The following CACNA1C variants were observed in gnomAD, a reference collection of about 807,000 sequenced individuals.
CACNA1C encodes calcium voltage-gated channel subunit alpha1 C, also known as voltage-dependent L-type calcium channel subunit alpha-1C.
A neutral mutation model predicts 229.0 loss-of-function variants in CACNA1C; 30 were observed. The observed-to-expected ratio is 0.13, with a 90% CI of 0.10 to 0.18. The LOEUF is 0.18. Among genes scored for constraint, CACNA1C ranks in the 10% least tolerant of loss-of-function variants. CACNA1C has a pLI of 1.00. For missense variants in CACNA1C, 1,658 were observed against 2,845.0 expected, an observed-to-expected ratio of 0.58 and a Z score of 9.49; for synonymous variants, 1,114 against 1,132.5, an observed-to-expected ratio of 0.98 and a Z score of 0.33.
intron 3 of CACNA1C, among the ~76,000 whole-genome samples, chr12:2,394,936 G>C (rs1341958848): frequency 6.6e-6 from 1 of 152,174 alleles, no homozygotes; most frequent in Non-Finnish European, 1.5e-5. Context: ...ATTCTTCACT[G>C]TCAACTTGTC....
intron 3 of CACNA1C, among the ~76,000 whole-genome samples, chr12:2,433,787 A>G (rs2099109249): frequency 6.6e-6 from 1 of 152,114 alleles, no homozygotes; most frequent in South Asian, 2.1e-4. Context: ...CCAGAGCCAC[A>G]TGGACCAAGC....
chr12:2,303,899 G>A (rs138855206), intron 3 of CACNA1C, among the ~76,000 whole-genome samples: 212 of 152,352 alleles, frequency 1.4e-3, no homozygotes, highest in Non-Finnish European at 2.6e-3. Flanking sequence ...TTCTGGGGTA[G>A]AGACAGGTCT....
At chr12:2,513,284 G>T (rs1270197072) in intron 9 of CACNA1C, among the ~76,000 whole-genome samples, 1 of 152,214 alleles carries the variant, frequency 6.6e-6, no homozygotes, top group East Asian at 1.9e-4. Flanking sequence ...TCTCCTCCAG[G>T]TTCCACCTCT....
intron 10 of CACNA1C, among the ~76,000 whole-genome samples, chr12:2,555,459 C>G (rs2043632755): frequency 1.3e-5 from 2 of 152,244 alleles, no homozygotes; most frequent in South Asian, 4.1e-4. Context: ...GACAACCACC[C>G]AAAAGCAGCC....
At chr12:2,374,119 G>C (rs145077550) in intron 3 of CACNA1C, among the ~76,000 whole-genome samples, 1,633 of 152,312 alleles carry the variant, frequency 0.011, 23 homozygotes, top group African/African-American at 0.037. Flanking sequence ...ACAACTAGTA[G>C]ACAGTAGACT....
chr12:2,577,713 G>A (rs2058945587), intron 13 of CACNA1C, among the ~76,000 whole-genome samples: 1 of 152,184 alleles, frequency 6.6e-6, no homozygotes, highest in Non-Finnish European at 1.5e-5. Context: ...GAATAGTAAG[G>A]TTCATTCATT....
intron 3 of CACNA1C, among the ~76,000 whole-genome samples, chr12:2,232,333 C>T (rs2065663178): frequency 7.2e-6 from 1 of 139,844 alleles, no homozygotes; most frequent in African/African-American, 2.7e-5. Flanking sequence ...GTCTCTTAAT[C>T]TGGGTTTGTC....
intron 1 of CACNA1C, among the ~76,000 whole-genome samples, chr12:2,063,373 A>G (rs2058236114): frequency 6.6e-6 from 1 of 152,132 alleles, no homozygotes; most frequent in African/African-American, 2.4e-5. Context: ...GATGGTCTCC[A>G]TCTCCTGACC....
chr12:2,386,271 C>T (rs1196251241), intron 3 of CACNA1C, among the ~76,000 whole-genome samples: 1 of 152,248 alleles, frequency 6.6e-6, no homozygotes, highest in African/African-American at 2.4e-5. Flanking sequence ...TCACTGGCTG[C>T]GGCTCAGGTA....
At position 1,971,127 on chromosome 12, in the gene CACNA1C, C is replaced by T; in HGVS notation, c.65C>T (p.Ala22Val). The change falls in exon 1 of 47, where the codon GCC (alanine) becomes GTC (valine). Residue 22 changes from alanine to valine, a missense_variant. By Grantham distance (64) the Ala-to-Val change is moderately conservative (BLOSUM62 0). Transcript: ENST00000682462. This position sits in a 1 kb window ranked among gnomAD's most constrained non-coding sequence, Gnocchi z 4.2. ...CAGCCGCTTCCCAGCCACCTGTCTG[C>T]CAACACGGAGGTCAAGTTTAAGGGT... 1 of 1,289,160 alleles carries T rather than the reference C, an allele frequency of 7.8e-7. No individual in the cohort carries two copies. The highest frequency in any genetic ancestry group is 1.0e-6 in the Non-Finnish European group (1 of 988,270). The allele number at this position is 1,289,160 out of a possible 1,614,324, so 79.9% of individuals were successfully genotyped here. A position where few individuals can be genotyped will look rare whatever the true frequency, so the allele number is the denominator to read the frequency against.
chr12:2,416,451 T>G (rs2098904130), intron 3 of CACNA1C, among the ~76,000 whole-genome samples: 1 of 151,960 alleles, frequency 6.6e-6, no homozygotes, highest in Non-Finnish European at 1.5e-5. Flanking sequence ...GGGGGACGAT[T>G]GTAATATTTA....
chr12:2,011,247 C>T (rs990061327), intron 1 of CACNA1C: 2 of 151,364 alleles, frequency 1.3e-5, no homozygotes, highest in Non-Finnish European at 2.9e-5. Flanking sequence ...ATGGAAAGGA[C>T]AATGGAAGTT....
chr12:2,373,959 G>A (rs1480171395), intron 3 of CACNA1C, among the ~76,000 whole-genome samples: 4 of 152,188 alleles, frequency 2.6e-5, no homozygotes. Flanking sequence ...TCTAGAGCCA[G>A]CGGGGGCCTT....
intron 3 of CACNA1C, among the ~76,000 whole-genome samples, chr12:2,203,750 A>G (rs993102956): frequency 6.6e-6 from 1 of 152,166 alleles, no homozygotes; most frequent in Non-Finnish European, 1.5e-5. Context: ...GCCCTCTGGC[A>G]TCTCCTCTGC....
At position 2,309,785 on chromosome 12, in the gene CACNA1C, T is replaced by C. The variant is rs183565947; in HGVS notation, c.478-139191T>C. On this transcript the variant is annotated intron_variant, in intron 3 of 46. Transcript: ENST00000399655. Reference sequence around the variant, plus strand: ...ATGCCTGCAGCAATCTGCACAGATATGGCCCCTGCCTTCTGGCGACTTACA... The same window carrying C: ...ATGCCTGCAGCAATCTGCACAGATACGGCCCCTGCCTTCTGGCGACTTACA... Among the ~76,000 whole-genome samples, 159 of 152,336 alleles carry C rather than the reference T, an allele frequency of 1.0e-3. 1 individual carries two copies. Among genetic ancestry groups the C allele is most frequent in the African/African-American group, 3.8e-3 (157 of 41,588 alleles).
At position 2,678,467 on chromosome 12, in the gene CACNA1C, G is replaced by C. The variant is rs192260904; in HGVS notation, c.5091+600G>C. Reference sequence around the variant, plus strand: ...AATTAAAACGGCTGTACCAGAATAAGGGGCGTTTATCACTCATTTGTGTTG... The same window carrying C: ...AATTAAAACGGCTGTACCAGAATAACGGGCGTTTATCACTCATTTGTGTTG... On this transcript the variant is annotated intron_variant, in intron 41 of 46. Transcript: ENST00000399655. The surrounding 1 kb of genome is among the most constrained non-coding windows in gnomAD (Gnocchi z 4.1). 3.3e-3 allele frequency among the ~76,000 whole-genome samples: 506 copies of C among 152,330 alleles called. 2 individuals carry two copies. The highest frequency in any genetic ancestry group is 0.012 in the African/African-American group (479 of 41,564).
rs115661640 is a variant in CACNA1C at position 2,359,994 on chromosome 12, G to A, written c.478-88982G>A. On this transcript the variant is annotated intron_variant, in intron 3 of 46. Coordinates refer to ENST00000399655, the MANE Select transcript of CACNA1C (RefSeq NM_000719.7). ...TAAGTCATCCAGTGCACAGCTTCCCGATCGCTTGTCCTCAGATAGTAGCGA... is the reference window on the plus strand; with the variant it reads ...TAAGTCATCCAGTGCACAGCTTCCCAATCGCTTGTCCTCAGATAGTAGCGA... Among the ~76,000 whole-genome samples the A allele has an allele frequency of 5.0e-3, 761 of 152,198 alleles. 15 individuals carry two copies. Among genetic ancestry groups the A allele is most frequent in the African/African-American group, 0.018 (743 of 41,516 alleles).
At chr12:2,162,974 A>G (rs527638623) in intron 3 of CACNA1C, among the ~76,000 whole-genome samples, 1 of 152,184 alleles carries the variant, frequency 6.6e-6, no homozygotes, top group South Asian at 2.1e-4. Flanking sequence ...CCTGATGGAA[A>G]ATATGACCAC....
intron 29 of CACNA1C, among the ~76,000 whole-genome samples, chr12:2,618,501 C>T (rs2081763551): frequency 1.3e-5 from 2 of 152,220 alleles, no homozygotes; most frequent in Admixed American, 6.5e-5. Flanking sequence ...GCAAAGGCCA[C>T]GAGGCCCCAA....
Sources: gnomAD v4.1 joint callset for allele counts (sites outside exome capture counted in the v4.1 genomes callset) on GRCh38, gnomAD v4.1.1 for gene constraint, Gnocchi (gnomAD v3.1) non-coding constraint, MANE v1.5 for transcripts, NCBI Gene and HGNC (gene_info 2026-07-23, HGNC 2026-07-21) for gene names.